SYNE1: variants seen among roughly 807,000 people sequenced by gnomAD.
SYNE1 encodes nesprin-1.
SYNE1 carries 616 observed loss-of-function variants against 1,111.0 expected under a neutral mutation model. The observed-to-expected ratio is 0.55, with a 90% CI of 0.52 to 0.59. The LOEUF is 0.59. Ranked by LOEUF, SYNE1 falls within the 20% of genes least tolerant of loss-of-function variation. The pLI is 0.00. For synonymous variants in SYNE1, 3,855 were observed against 3,825.8 expected (o/e 1.01, Z -0.28); for missense variants, 10,006 against 10,417.0 (o/e 0.96, Z 1.72).
At position 152,323,628 on chromosome 6, in the gene SYNE1, G is replaced by T; in HGVS notation, c.15767C>A (p.Thr5256Lys). The change falls in exon 82 of 146, where the codon ACG (threonine) becomes AAG (lysine). Residue 5256 changes from threonine (T) to lysine (K), a missense_variant. Physicochemically the swap from Thr to Lys is moderately conservative, Grantham distance 78 (BLOSUM62 -1). Around this residue, in one of 7 missense-constraint regions of SYNE1, gnomAD observed 4,955 missense variants for 5,017.2 expected, o/e 0.99. Transcript: ENST00000367255. Reference protein sequence around the residue: ...ELLTLLEYHDTFVLELEQQQS... With the variant: ...ELLTLLEYHDKFVLELEQQQS... ...CTGCTGCTCCAGCTCCAGAACGAAC[G>T]TGTCGTGGTATTCAAGAAGAGTTAA... 6.2e-7 allele frequency: 1 copy of T among 1,614,206 alleles called. No individual in the cohort carries two copies. Among genetic ancestry groups the T allele is most frequent in the Non-Finnish European group, 8.5e-7 (1 of 1,180,034 alleles).
chr6:152,371,721 C>T (rs562493487), intron 59 of SYNE1, among the ~76,000 whole-genome samples: 617 of 38,004 alleles, frequency 0.016, 6 homozygotes, highest in Non-Finnish European at 0.022. Context: ...GGGGAAGGGA[C>T]GGGTAGGGAG....
At chr6:152,185,376 A>G (rs1048112620) in intron 128 of SYNE1, 4 of 152,228 alleles carry the variant, frequency 2.6e-5, no homozygotes, top group African/African-American at 2.4e-5. Context: ...TAGTAGGGAT[A>G]ATGTTATGTT....
At chr6:152,543,331 AG>A (rs2099282090) in intron 3 of SYNE1, among the ~76,000 whole-genome samples, 1 of 152,192 alleles carries the variant, frequency 6.6e-6, no homozygotes, top group Non-Finnish European at 1.5e-5. Context: ...GCTGAATTCT[AG>A]GTAAATATTT....
At position 152,433,832 on chromosome 6, in the gene SYNE1, G is replaced by A. The variant is rs767883709; in HGVS notation, c.4424C>T (p.Ser1475Leu). 8 of 1,613,728 alleles carry A rather than the reference G, an allele frequency of 5.0e-6. No individual in the cohort carries two copies. Among genetic ancestry groups the A allele is most frequent in the Admixed American group, 1.7e-5 (1 of 59,980 alleles). ...KEKELNALET[S>L]SSAMDMQISQ... ...GATTTGCATGTCCATGGCAGATGAC[G>A]AAGTTTCCAAGGCATTGAGTTCTTT... is the stretch of plus-strand genomic sequence containing the variant. Residue 1475 changes from serine (S) to leucine (L), a missense_variant, in exon 34 of 146, where the codon TCG (serine) becomes TTG (leucine). Ser to Leu is a moderately radical substitution (Grantham distance 145). Coordinates refer to ENST00000367255, the MANE Select transcript of SYNE1 (RefSeq NM_182961.4).
At chr6:152,145,617 A>G (rs1298576366) in intron 137 of SYNE1, 2 of 1,469,464 alleles carry the variant, frequency 1.4e-6, no homozygotes, top group African/African-American at 1.4e-5. Context: ...TCCCTTGTGC[A>G]GGAAAATAAC....
chr6:152,409,789 T>TTAGTAA, intron 42 of SYNE1, 80 bp from the exon 43 acceptor site: 1 of 1,434,470 alleles, frequency 7.0e-7, no homozygotes, highest in Non-Finnish European at 9.7e-7. Flanking sequence ...GACTTGATGT[T>TTAGTAA]TCACTACGTA....
intron 3 of SYNE1, among the ~76,000 whole-genome samples, chr6:152,580,227 A>G (rs1007985495): frequency 1.3e-5 from 2 of 152,196 alleles, no homozygotes; most frequent in Non-Finnish European, 1.5e-5. Context: ...GTGAGATGGC[A>G]TCTCATCATG....
At chr6:152,406,615 C>T (rs2097905514) in intron 45 of SYNE1, among the ~76,000 whole-genome samples, 2 of 152,114 alleles carry the variant, frequency 1.3e-5, no homozygotes, top group African/African-American at 4.8e-5. Flanking sequence ...CACCTGTAAT[C>T]ACAGCACTTC....
At chr6:152,438,204 T>C (rs556768147) in intron 32 of SYNE1, among the ~76,000 whole-genome samples, 11 of 152,352 alleles carry the variant, frequency 7.2e-5, no homozygotes, top group East Asian at 3.9e-4. Flanking sequence ...ACAGTCATGG[T>C]AGATTCAATT....
chr6:152,249,812 C>G (rs1279358111), intron 104 of SYNE1, among the ~76,000 whole-genome samples: 1 of 151,944 alleles, frequency 6.6e-6, no homozygotes, highest in African/African-American at 2.4e-5. Context: ...TGTGAAGAGA[C>G]AACACAAAAA....
chr6:152,306,435 A>G (rs2095376916), intron 91 of SYNE1, among the ~76,000 whole-genome samples: 1 of 151,954 alleles, frequency 6.6e-6, no homozygotes, highest in Non-Finnish European at 1.5e-5. Context: ...GCAGTGGGCC[A>G]AGATTGCACC....
At chr6:152,580,150 T>A (rs2099514626) in intron 3 of SYNE1, among the ~76,000 whole-genome samples, 1 of 152,208 alleles carries the variant, frequency 6.6e-6, no homozygotes, top group African/African-American at 2.4e-5. Context: ...AGGTGTTCCC[T>A]TTTTCTCCAC....
chr6:152,255,110 T>C (rs758907583), intron 103 of SYNE1, 21 bp from the exon 104 acceptor site: 1 of 1,551,580 alleles, frequency 6.4e-7, no homozygotes. Context: ...TAAAAGGGCA[T>C]TTTTCAGTGT....
intron 10 of SYNE1, 129 bp downstream of exon 10, chr6:152,502,504 A>G: frequency 1.3e-6 from 1 of 754,390 alleles, no homozygotes; most frequent in Non-Finnish European, 2.3e-6. Context: ...ATTTGGTGAT[A>G]GCTTTTTAAA....
intron 3 of SYNE1, among the ~76,000 whole-genome samples, chr6:152,572,783 T>A (rs2099470379): frequency 6.6e-6 from 1 of 152,170 alleles, no homozygotes; most frequent in Non-Finnish European, 1.5e-5. Flanking sequence ...TAAAAGTTAT[T>A]CCATGGTATT....
intron 3 of SYNE1, among the ~76,000 whole-genome samples, chr6:152,564,956 A>G (rs947434130): frequency 6.6e-6 from 1 of 152,228 alleles, no homozygotes; most frequent in Non-Finnish European, 1.5e-5. Context: ...TGCTGTGTCC[A>G]ACACTTATCA....
chr6:152,131,408 T>C (rs2055603413), intron 144 of SYNE1, among the ~76,000 whole-genome samples: 1 of 148,864 alleles, frequency 6.7e-6, no homozygotes, highest in Non-Finnish European at 1.5e-5. Context: ...AAAAGTCAAA[T>C]GAAATCAAAA....
chr6:152,374,922 A>ATTATTTTATTTTATTTTATTTTATT (rs140950913), intron 58 of SYNE1, among the ~76,000 whole-genome samples: 20 of 149,670 alleles, frequency 1.3e-4, no homozygotes, highest in African/African-American at 4.5e-4. Context: ...TTTTTAGTTT[A>ATTATTTTATTTTATTTTATTTTATT]TTATTTTATT....
chr6:152,220,962 G>C lies in SYNE1; in HGVS notation c.21741C>G (p.Tyr7247Ter). The C allele has an allele frequency of 1.2e-6, 2 of 1,614,178 alleles. No individual in the cohort carries two copies. The highest frequency in any genetic ancestry group is 1.7e-6 in the Non-Finnish European group (2 of 1,180,000). The change falls in exon 119 of 146, where the codon TAC (tyrosine) becomes TAG (stop). Residue 7247 changes from tyrosine to a stop codon, truncating the protein, a stop_gained. Coordinates refer to ENST00000367255, the MANE Select transcript of SYNE1 (RefSeq NM_182961.4). LOFTEE classifies it high-confidence loss of function. ...GAACTGTCGAAGCACACTGTTTGGA[G>C]TAGTCCTTGTATCTTTGCCAAAGCT... ...LLQLWQRYKDYSKQCASTVQQ... is the reference protein window; with the variant it reads ...LLQLWQRYKD
Sources: gnomAD v4.1 joint callset for allele counts (sites outside exome capture counted in the v4.1 genomes callset) on GRCh38, gnomAD v4.1.1 for gene constraint, gnomAD v4.1.1 regional missense constraint, MANE v1.5 for transcripts, NCBI Gene and HGNC (gene_info 2026-07-23, HGNC 2026-07-21) for gene names.